The following TRIM71 variants were observed in gnomAD, a reference collection of about 807,000 sequenced individuals.
TRIM71 encodes E3 ubiquitin-protein ligase TRIM71.
A neutral mutation model predicts 61.2 loss-of-function variants in TRIM71; 9 were observed. The observed-to-expected ratio is 0.15, with a 90% confidence interval of 0.09 to 0.26. The LOEUF (loss-of-function observed/expected upper bound fraction) is 0.26, where lower values mean the gene tolerates loss of function less well. Among genes scored for constraint, TRIM71 ranks in the 10% least tolerant of loss-of-function variants. The probability of loss-of-function intolerance (pLI) is 1.00; values close to 1 mark genes in which losing one functional copy is unlikely to be tolerated. For synonymous variants in TRIM71, 645 were observed against 553.2 expected (o/e 1.17, Z -2.33); for missense variants, 998 against 1,238.7 (o/e 0.81, Z 2.92).
intron 1 of TRIM71, among the ~76,000 whole-genome samples, chr3:32,839,807 A>G (rs1696383213): frequency 6.6e-6 from 1 of 151,802 alleles, no homozygotes; most frequent in African/African-American, 2.4e-5. Flanking sequence ...GGGTAAGGGC[A>G]TTGAAGGTGG....
At chr3:32,845,790 C>T (rs1185283774) in intron 1 of TRIM71, among the ~76,000 whole-genome samples, 1 of 151,710 alleles carries the variant, frequency 6.6e-6, no homozygotes, top group East Asian at 1.9e-4. Flanking sequence ...CAGCTCACTG[C>T]AACCTCTGCA....
intron 2 of TRIM71, among the ~76,000 whole-genome samples, chr3:32,883,109 G>C (rs1373394900): frequency 6.6e-6 from 1 of 152,142 alleles, no homozygotes; most frequent in African/African-American, 2.4e-5. Flanking sequence ...AATGTCTAGG[G>C]AGCTCTCTTG....
At chr3:32,861,174 A>C (rs1416036888) in intron 1 of TRIM71, among the ~76,000 whole-genome samples, 2 of 151,790 alleles carry the variant, frequency 1.3e-5, no homozygotes, top group African/African-American at 4.8e-5. Context: ...CAATAAAATA[A>C]AGTAAATAAT....
At chr3:32,839,471 T>TCA (rs1307510130) in intron 1 of TRIM71, among the ~76,000 whole-genome samples, 1 of 151,790 alleles carries the variant, frequency 6.6e-6, no homozygotes, top group Non-Finnish European at 1.5e-5. Flanking sequence ...ACCTCATGAT[T>TCA]CACCCGCCTT....
At chr3:32,832,902 C>T (rs1343054309) in intron 1 of TRIM71, among the ~76,000 whole-genome samples, 1 of 151,872 alleles carries the variant, frequency 6.6e-6, no homozygotes, top group Non-Finnish European at 1.5e-5. Flanking sequence ...GGGCTGGGCG[C>T]GGTGGCTCAC....
At chr3:32,884,210 C>T (rs909344066) in intron 2 of TRIM71, among the ~76,000 whole-genome samples, 3 of 152,126 alleles carry the variant, frequency 2.0e-5, no homozygotes, top group Admixed American at 6.5e-5. Flanking sequence ...CTCGGCCTCC[C>T]AAAGTGCTGG....
At chr3:32,832,108 G>A (rs1210493614) in intron 1 of TRIM71, among the ~76,000 whole-genome samples, 2 of 152,050 alleles carry the variant, frequency 1.3e-5, no homozygotes, top group African/African-American at 4.8e-5. Context: ...GGTGGGGGGG[G>A]ATTCTCTACT....
rs904826865 is a variant in TRIM71 at position 32,891,371 on chromosome 3, C to A, written c.2167C>A (p.Arg723=). 1.5e-5 allele frequency: 24 copies of A among 1,614,002 alleles called. No individual in the cohort carries two copies. Among genetic ancestry groups the A allele is most frequent in the Non-Finnish European group, 2.0e-5 (24 of 1,180,032 alleles). Residue 723 remains arginine, a synonymous_variant, in exon 4 of 4, where the codon CGG becomes AGG. Coordinates refer to ENST00000383763, the MANE Select transcript of TRIM71 (RefSeq NM_001039111.3). The surrounding 1 kb of genome is among the most constrained non-coding windows in gnomAD (Gnocchi z 8.2). ...CCTGGTCTCAGACACGAGGAACCAC[C>A]GGATCCAGCTGTTTGGGCCTGATGG... ...KILVSDTRNH[R]IQLFGPDGVF...
chr3:32,829,094 A>G (rs1476793920), intron 1 of TRIM71, among the ~76,000 whole-genome samples: 5 of 151,904 alleles, frequency 3.3e-5, no homozygotes, highest in African/African-American at 1.2e-4. Context: ...CCCAGGTTCA[A>G]GCAATTCTTC....
At chr3:32,824,636 A>G (rs1696180541) in intron 1 of TRIM71, among the ~76,000 whole-genome samples, 1 of 152,182 alleles carries the variant, frequency 6.6e-6, no homozygotes, top group South Asian at 2.1e-4. Flanking sequence ...GGCTCTAGCC[A>G]TCACACCTGG....
In TRIM71 at chr3:32,870,036, G is replaced by T. The variant is rs72852826; in HGVS notation, c.853-3782G>T. Among the ~76,000 whole-genome samples the T allele has an allele frequency of 9.3e-3, 1,414 of 152,254 alleles. 20 individuals carry two copies. The highest frequency in any genetic ancestry group is 0.032 in the African/African-American group (1,349 of 41,528). ...TTCTGGCTATAGGACCCTCCACACAGCTCCAGTTTATTTCCTTAAAAATAA... is the reference window on the plus strand; with the variant it reads ...TTCTGGCTATAGGACCCTCCACACATCTCCAGTTTATTTCCTTAAAAATAA... On this transcript the variant is annotated intron_variant, in intron 1 of 3. Coordinates refer to ENST00000383763, the MANE Select transcript of TRIM71 (RefSeq NM_001039111.3).
At chr3:32,872,608 C>T (rs775038847) in intron 1 of TRIM71, among the ~76,000 whole-genome samples, 4 of 152,204 alleles carry the variant, frequency 2.6e-5, no homozygotes, top group Non-Finnish European at 5.9e-5. Flanking sequence ...TCAGTCTGCG[C>T]AGAATCGCCT....
At chr3:32,848,726 C>T (rs1473913690) in intron 1 of TRIM71, among the ~76,000 whole-genome samples, 2 of 152,160 alleles carry the variant, frequency 1.3e-5, no homozygotes, top group African/African-American at 4.8e-5. Context: ...CCTTGGCCAG[C>T]TGAATGAAAC....
chr3:32,846,408 G>A (rs1391510433), intron 1 of TRIM71, among the ~76,000 whole-genome samples: 2 of 152,116 alleles, frequency 1.3e-5, no homozygotes, highest in Non-Finnish European at 2.9e-5. Flanking sequence ...CATAATAACT[G>A]TATATGTTTA....
chr3:32,891,076 C>T lies in TRIM71; in HGVS notation c.1872C>T (p.Asp624=), dbSNP rs371742211. The T allele has an allele frequency of 1.2e-5, 19 of 1,611,896 alleles. No individual in the cohort carries two copies. In the African/African-American group the frequency reaches 2.3e-4, roughly 19 times the overall value. ...VDKEGYIIVA[D]RSNNRIQVFK... is the part of the protein sequence containing the mutation. Reference sequence around the variant, plus strand: ...AGGAGGGCTACATCATTGTCGCCGACCGCAGCAACAACCGCATCCAGGTGT... The same window carrying T: ...AGGAGGGCTACATCATTGTCGCCGATCGCAGCAACAACCGCATCCAGGTGT... The change falls in exon 4 of 4, where the codon GAC becomes GAT. Residue 624 remains aspartate, a synonymous_variant. Coordinates refer to ENST00000383763, the MANE Select transcript of TRIM71 (RefSeq NM_001039111.3). This position sits in a 1 kb window ranked among gnomAD's most constrained non-coding sequence, Gnocchi z 8.2.
At chr3:32,887,481 C>T (rs929788860) in intron 3 of TRIM71, among the ~76,000 whole-genome samples, 29 of 110,008 alleles carry the variant, frequency 2.6e-4, no homozygotes, top group African/African-American at 1.0e-3. Flanking sequence ...TAATTACTGA[C>T]TTTTTTTTTT....
At position 32,890,557 on chromosome 3, in the gene TRIM71, G is replaced by A. The variant is rs778079383; in HGVS notation, c.1353G>A (p.Leu451=). 2.5e-6 allele frequency: 4 copies of A among 1,614,046 alleles called. No homozygotes were observed. In the East Asian group the frequency reaches 6.7e-5, roughly 27 times the overall value. Residue 451 remains leucine (L), a synonymous_variant, in exon 4 of 4, where the codon CTG becomes CTA. Coordinates refer to ENST00000383763, the MANE Select transcript of TRIM71 (RefSeq NM_001039111.3). This position sits in a 1 kb window ranked among gnomAD's most constrained non-coding sequence, Gnocchi z 6.2. Reference sequence around the variant, plus strand: ...AGCTGAAGACCGTGCGGAGCCTCCTGCAGCCCCAGGAAGACGACCGAGTCA... The same window carrying A: ...AGCTGAAGACCGTGCGGAGCCTCCTACAGCCCCAGGAAGACGACCGAGTCA... The part of the protein sequence containing the change: ...VQELKTVRSL[L]QPQEDDRVMF...
chr3:32,864,262 C>T (rs908142960), intron 1 of TRIM71, among the ~76,000 whole-genome samples: 2 of 152,196 alleles, frequency 1.3e-5, no homozygotes, highest in Non-Finnish European at 2.9e-5. Context: ...TAATCCAAAA[C>T]ACAACTCTGG....
At chr3:32,838,771 C>G (rs77855547) in intron 1 of TRIM71, among the ~76,000 whole-genome samples, 2,659 of 152,000 alleles carry the variant, frequency 0.017, 84 homozygotes, top group East Asian at 0.13. Context: ...AAGACTATCC[C>G]TCTTAGGAAA....
Sources: gnomAD v4.1 joint callset for allele counts (sites outside exome capture counted in the v4.1 genomes callset) on GRCh38, gnomAD v4.1.1 for gene constraint, Gnocchi (gnomAD v3.1) non-coding constraint, MANE v1.5 for transcripts, NCBI Gene and HGNC (gene_info 2026-07-23, HGNC 2026-07-21) for gene names.